The following GLIS3 variants were observed in gnomAD, a reference collection of about 807,000 sequenced individuals.
The protein encoded by GLIS3 is GLIS family zinc finger 3, also known as zinc finger protein GLIS3.
A neutral mutation model predicts 78.6 loss-of-function variants in GLIS3; 53 were observed. That is an observed-to-expected ratio of 0.67 (90% CI 0.54 to 0.85). The LOEUF is 0.85. Among genes scored for constraint, GLIS3 ranks in the 40% least tolerant of loss-of-function variants. The pLI, the probability that GLIS3 is intolerant of heterozygous loss-of-function variation, is 0.00. For synonymous variants in GLIS3, 684 were observed against 509.9 expected, an observed-to-expected ratio of 1.34 and a Z score of -4.60; for missense variants, 1,703 against 1,231.1, an observed-to-expected ratio of 1.38 and a Z score of -5.74.
At chr9:4,277,691 T>G (rs892543284) in intron 2 of GLIS3, among the ~76,000 whole-genome samples, 1 of 152,204 alleles carries the variant, frequency 6.6e-6, no homozygotes, top group African/African-American at 2.4e-5. Context: ...AAATAAAAAC[T>G]CTTATAATGA....
intron 2 of GLIS3, among the ~76,000 whole-genome samples, chr9:4,254,662 A>G (rs1187993301): frequency 6.6e-6 from 1 of 152,098 alleles, no homozygotes; most frequent in African/African-American, 2.4e-5. Context: ...CAACATGGTG[A>G]AACCCCATCT....
chr9:4,019,596 G>A (rs1822708628), intron 4 of GLIS3, among the ~76,000 whole-genome samples: 2 of 152,082 alleles, frequency 1.3e-5, no homozygotes, highest in Admixed American at 6.5e-5. Context: ...AGGAGACATA[G>A]TAAATAAGTA....
chr9:4,050,511 G>A (rs1825672391), intron 4 of GLIS3, among the ~76,000 whole-genome samples: 2 of 152,164 alleles, frequency 1.3e-5, no homozygotes, highest in South Asian at 4.2e-4. Context: ...ACAATTTGAT[G>A]GGTGCAGCAA....
intron 1 of GLIS3, among the ~76,000 whole-genome samples, chr9:4,297,459 G>A (rs979786801): frequency 6.6e-6 from 1 of 152,188 alleles, no homozygotes; most frequent in Non-Finnish European, 1.5e-5. Context: ...ATACTAAAGG[G>A]ACCTGGTCCA....
intron 2 of GLIS3, among the ~76,000 whole-genome samples, chr9:4,203,920 C>G (rs1312507851): frequency 6.6e-6 from 1 of 152,164 alleles, no homozygotes; most frequent in Non-Finnish European, 1.5e-5. Flanking sequence ...TACTCATGGA[C>G]ATTAAGATGG....
intron 2 of GLIS3, among the ~76,000 whole-genome samples, chr9:4,282,030 A>C (rs935663678): frequency 3.3e-5 from 5 of 151,856 alleles, no homozygotes; most frequent in African/African-American, 1.2e-4. Flanking sequence ...AAATAATATA[A>C]ATAATATCAA....
intron 9 of GLIS3, among the ~76,000 whole-genome samples, chr9:3,851,265 G>C (rs944623469): frequency 1.3e-5 from 2 of 152,186 alleles, no homozygotes. Context: ...GCTTGTCTGG[G>C]CAAGAGAAGT....
At chr9:4,183,211 C>T (rs1237452739) in intron 2 of GLIS3, among the ~76,000 whole-genome samples, 1 of 152,120 alleles carries the variant, frequency 6.6e-6, no homozygotes, top group Non-Finnish European at 1.5e-5. Context: ...TGGTAGATAT[C>T]ATAGGAACAA....
At chr9:4,033,864 T>TAAAAAAAAAAAAAAAAAAAAAAAAAAAA in intron 4 of GLIS3, among the ~76,000 whole-genome samples, 1 of 67,980 alleles carries the variant, frequency 1.5e-5, no homozygotes, top group Non-Finnish European at 2.5e-5. Flanking sequence ...AGGCGAAGGA[T>TAAAAAAAAAAAAAAAAAAAAAAAAAAAA]AAAAAAAAAA....
chr9:4,302,246 A>G (rs895386840), upstream of GLIS3, among the ~76,000 whole-genome samples: 3 of 152,026 alleles, frequency 2.0e-5, no homozygotes, highest in African/African-American at 4.8e-5. Flanking sequence ...TAGGAATCAT[A>G]CTCTGGCAGC....
At chr9:4,223,631 G>A (rs567357856) in intron 2 of GLIS3, among the ~76,000 whole-genome samples, 150 of 152,272 alleles carry the variant, frequency 9.9e-4, no homozygotes, top group African/African-American at 3.5e-3. Flanking sequence ...CACATTCGAA[G>A]TCACTTCCCA....
In GLIS3 at chr9:3,826,295, A is replaced by G. The variant is rs756703728; in HGVS notation, c.*1977T>C. The stretch of plus-strand genomic sequence containing the variant: ...AGAGTTTTTTTCTTTCCAGAGTATG[A>G]CAAAGGACGCATGAGGGATGCTACT... On this transcript the variant is annotated 3_prime_UTR_variant, in exon 11 of 11. Transcript: ENST00000381971. The G allele has an allele frequency of 6.6e-6, 1 of 152,180 alleles. No individual in the cohort carries two copies. Among genetic ancestry groups the G allele is most frequent in the African/African-American group, 2.4e-5 (1 of 41,438 alleles). The allele number at this position is 152,180 out of a possible 1,614,324, so 9.4% of individuals were successfully genotyped here.
chr9:4,012,102 C>T (rs528757755), intron 4 of GLIS3, among the ~76,000 whole-genome samples: 7 of 152,264 alleles, frequency 4.6e-5, no homozygotes, highest in Middle Eastern at 3.4e-3. Flanking sequence ...TCTAACTTTT[C>T]TATGTGCTAT....
In GLIS3 at chr9:4,159,030, G is replaced by GAAAAAAAAAAAAAA. The variant is rs141412126; in HGVS notation, c.389-33090_389-33089insTTTTTTTTTTTTTT. 3.0e-3 allele frequency among the ~76,000 whole-genome samples: 239 copies of GAAAAAAAAAAAAAA among 79,052 alleles called. 38 individuals carry two copies. The highest frequency in any genetic ancestry group is 9.2e-3 in the African/African-American group (189 of 20,566). The allele number at this position is 79,052 out of a possible 152,430, so 51.9% of individuals were successfully genotyped here. A position where few individuals can be genotyped will look rare whatever the true frequency, so the allele number is the denominator to read the frequency against. On this transcript the variant is annotated intron_variant, in intron 2 of 10. Transcript: ENST00000381971. ...GCTTGGTATGCTAGAGAAAGGAGAAGAAGAAAAAAAAAAAAAAAAGCCAGG... is the reference window on the plus strand; with the variant it reads ...GCTTGGTATGCTAGAGAAAGGAGAAGAAAAAAAAAAAAAAAAGAAAAAAAAAAAAAAAAGCCAGG...
intron 2 of GLIS3, among the ~76,000 whole-genome samples, chr9:4,189,849 G>T (rs1818165971): frequency 6.6e-6 from 1 of 151,852 alleles, no homozygotes; most frequent in African/African-American, 2.4e-5. Flanking sequence ...CATTTGCTTG[G>T]TAGATCTTCC....
the GLIS3 span, among the ~76,000 whole-genome samples, chr9:4,477,410 T>TG: frequency 0.016 from 1,906 of 120,250 alleles, 40 homozygotes; most frequent in African/African-American, 0.055. Flanking sequence ...TAGTGTGTTT[T>TG]GGGGGGGCTG....
chr9:4,334,274 A>G (rs1411922866), intron 2 of GLIS3, among the ~76,000 whole-genome samples: 3 of 152,198 alleles, frequency 2.0e-5, no homozygotes, highest in African/African-American at 4.8e-5. Context: ...AGCTTTCTGG[A>G]TATAACATTC....
At chr9:4,236,230 A>G (rs573809316) in intron 2 of GLIS3, among the ~76,000 whole-genome samples, 4 of 151,520 alleles carry the variant, frequency 2.6e-5, no homozygotes, top group African/African-American at 9.6e-5. Context: ...GAAAGGAAAA[A>G]AAAGAAAAAC....
At chr9:3,914,731 C>T (rs1824386173) in intron 6 of GLIS3, among the ~76,000 whole-genome samples, 1 of 152,100 alleles carries the variant, frequency 6.6e-6, no homozygotes, top group African/African-American at 2.4e-5. Flanking sequence ...GATTAGGTCC[C>T]AAATTATACA....
Sources: gnomAD v4.1 joint callset for allele counts (sites outside exome capture counted in the v4.1 genomes callset) on GRCh38, gnomAD v4.1.1 for gene constraint, MANE v1.5 for transcripts, NCBI Gene and HGNC (gene_info 2026-07-23, HGNC 2026-07-21) for gene names.